The following BOD1L1 variants were observed in gnomAD, a reference collection of about 807,000 sequenced individuals.
BOD1L1 encodes the protein biorientation of chromosomes in cell division protein 1-like 1.
A neutral mutation model predicts 240.7 loss-of-function variants in BOD1L1; 86 were observed. That is an observed-to-expected ratio of 0.36 (90% CI 0.30 to 0.43). BOD1L1 has a LOEUF of 0.43. Among genes scored for constraint, BOD1L1 ranks in the 20% least tolerant of loss-of-function variants. BOD1L1 has a pLI of 1.00. For synonymous variants in BOD1L1, 1,268 were observed against 1,272.3 expected (o/e 1.00, Z 0.07); for missense variants, 3,554 against 3,643.5 (o/e 0.98, Z 0.63).
At chr4:13,571,720 A>G (rs746941000) in intron 25 of BOD1L1, among the ~76,000 whole-genome samples, 2 of 152,146 alleles carry the variant, frequency 1.3e-5, no homozygotes, top group Non-Finnish European at 2.9e-5. Context: ...AGACTTACAG[A>G]CCCAGGATCT....
chr4:13,594,452 C>A (rs1404526230), intron 12 of BOD1L1, among the ~76,000 whole-genome samples: 2 of 152,174 alleles, frequency 1.3e-5, no homozygotes, highest in Admixed American at 6.5e-5. Flanking sequence ...ATGGTCCAGC[C>A]TCTCTGGGGA....
intron 8 of BOD1L1, among the ~76,000 whole-genome samples, chr4:13,607,623 C>G (rs1021441569): frequency 6.6e-6 from 1 of 152,234 alleles, no homozygotes; most frequent in East Asian, 1.9e-4. Context: ...TACACTTGAT[C>G]GACAAATGCA....
chr4:13,588,865 T>C, intron 14 of BOD1L1, 73 bp from the exon 15 acceptor site: 1 of 1,125,114 alleles, frequency 8.9e-7, no homozygotes. Flanking sequence ...TAGGTATGTG[T>C]TAGGGGGCTG....
intron 1 of BOD1L1, among the ~76,000 whole-genome samples, chr4:13,626,604 T>C (rs1164594391): frequency 1.3e-5 from 2 of 152,178 alleles, no homozygotes; most frequent in Non-Finnish European, 2.9e-5. Context: ...TCCCTTCCCC[T>C]TTCCAGCCTC....
chr4:13,572,825 G>A, intron 25 of BOD1L1: 5 of 1,289,716 alleles, frequency 3.9e-6, no homozygotes, highest in Non-Finnish European at 5.1e-6. Context: ...ACGTGCAGAT[G>A]GCTTGCTATG....
At chr4:13,590,833 A>T (rs1304275881) in intron 13 of BOD1L1, among the ~76,000 whole-genome samples, 1 of 152,188 alleles carries the variant, frequency 6.6e-6, no homozygotes, top group East Asian at 1.9e-4. Context: ...AAATCTTATC[A>T]ATTCTACTGT....
chr4:13,607,678 A>G (rs1362236144), intron 8 of BOD1L1, among the ~76,000 whole-genome samples: 1 of 152,256 alleles, frequency 6.6e-6, no homozygotes, highest in African/African-American at 2.4e-5. Flanking sequence ...ATTGGTCAAC[A>G]AAGGAGAGCA....
Position 13,579,916 on chromosome 4 carries a change from G to T in BOD1L1, c.8749+12C>A. On this transcript the variant is annotated intron_variant, in intron 22 of 25. Coordinates refer to ENST00000040738, the MANE Select transcript of BOD1L1 (RefSeq NM_148894.3). The stretch of plus-strand genomic sequence containing the variant: ...CTCAGATAACACACAGAGGAATGCG[G>T]TAGGTACATACCTGTTTGCATTACT... 6.4e-7 allele frequency: 1 copy of T among 1,554,180 alleles called. No individual in the cohort carries two copies. Among genetic ancestry groups the T allele is most frequent in the South Asian group, 1.2e-5 (1 of 83,920 alleles).
At chr4:13,592,637 T>C (rs536330277) in intron 12 of BOD1L1, 3 of 152,358 alleles carry the variant, frequency 2.0e-5, no homozygotes, top group Admixed American at 1.3e-4. Flanking sequence ...TTTTAATTAA[T>C]GTATCTTTCC....
At position 13,604,318 on chromosome 4, in the gene BOD1L1, C is replaced by T; in HGVS notation, c.2582G>A (p.Gly861Asp). The T allele has an allele frequency of 6.3e-7, 1 of 1,594,160 alleles. No homozygotes were observed. The highest frequency in any genetic ancestry group is 8.5e-7 in the Non-Finnish European group (1 of 1,174,124). Residue 861 changes from glycine (G) to aspartate (D), a missense_variant, in exon 10 of 26, where the codon GGT (glycine) becomes GAT (aspartate). Coordinates refer to ENST00000040738, the MANE Select transcript of BOD1L1 (RefSeq NM_148894.3). The stretch of plus-strand genomic sequence containing the variant: ...TTCACTTCTTCTCTGTAATGTGATA[C>T]CATGTTGCTTGGAACCCAGAGAATC... ...QKDSLGSKQH[G>D]ITLQRRSESY...
intron 12 of BOD1L1, chr4:13,593,265 A>G (rs1714359024): frequency 6.6e-6 from 1 of 152,200 alleles, no homozygotes; most frequent in African/African-American, 2.4e-5. Context: ...AATACTTGGT[A>G]AAACACATGT....
At chr4:13,625,635 C>T (rs1311916890) in intron 1 of BOD1L1, 1 of 152,138 alleles carries the variant, frequency 6.6e-6, no homozygotes, top group African/African-American at 2.4e-5. Context: ...GTAAAAATTC[C>T]ACTTGTTGAA....
intron 2 of BOD1L1, among the ~76,000 whole-genome samples, chr4:13,619,441 G>C (rs1353019751): frequency 6.6e-6 from 1 of 152,052 alleles, no homozygotes; most frequent in Non-Finnish European, 1.5e-5. Context: ...TTTGAGGGGA[G>C]GTGGGGAGCT....
At chr4:13,592,065 T>C (rs768899760) in intron 12 of BOD1L1, 99 bp from the exon 13 acceptor site, 7 of 772,424 alleles carry the variant, frequency 9.1e-6, no homozygotes, top group Non-Finnish European at 1.4e-5. Context: ...ACCTATCCTA[T>C]GTCACCAAGT....
At position 13,580,964 on chromosome 4, in the gene BOD1L1, C is replaced by T. The variant is rs1560181415; in HGVS notation, c.8703+56G>A. 6 of 1,474,766 alleles carry T rather than the reference C, an allele frequency of 4.1e-6. No individual in the cohort carries two copies. In the East Asian group the frequency reaches 9.7e-5, roughly 24 times the overall value. 91.4% of individuals were successfully genotyped at this position (1,474,766 alleles called of 1,614,324 possible). A position where few individuals can be genotyped will look rare whatever the true frequency, so the allele number is the denominator to read the frequency against. ...TCAAAATACTAGATATTGCATTATA[C>T]CGTTTTTCAGGTTAAGAGCAAGTAT... On this transcript the variant is annotated intron_variant, in intron 21 of 25. Transcript: ENST00000040738.
In BOD1L1 at chr4:13,582,679, T is replaced by C; in HGVS notation, c.8491A>G (p.Thr2831Ala). ...TTTTCTTCCATGACCCTTGAGGTAG[T>C]GCTATTTGTCTCAGAACTGGTTTTA... Reference protein sequence around the residue: ...LPKTSSETNSTTSRVMEEKDE... With the variant: ...LPKTSSETNSATSRVMEEKDE... Residue 2831 changes from threonine (T) to alanine (A), a missense_variant, in exon 18 of 26, where the codon ACT (threonine) becomes GCT (alanine). Physicochemically the swap from Thr to Ala is moderately conservative, Grantham distance 58 (BLOSUM62 0). Coordinates refer to ENST00000040738, the MANE Select transcript of BOD1L1 (RefSeq NM_148894.3). The C allele has an allele frequency of 1.2e-6, 2 of 1,612,934 alleles. No homozygotes were observed. The highest frequency in any genetic ancestry group is 8.5e-7 in the Non-Finnish European group (1 of 1,178,946).
intron 25 of BOD1L1, among the ~76,000 whole-genome samples, chr4:13,572,324 T>C (rs762201840): frequency 1.5e-4 from 23 of 152,244 alleles, no homozygotes; most frequent in Non-Finnish European, 2.8e-4. Context: ...AGGTGTAAGC[T>C]GGCAGGGGCC....
rs761705232 is a variant in BOD1L1 at position 13,604,250 on chromosome 4, C to T, written c.2650G>A (p.Asp884Asn). ...DKCDMDSTNM[D>N]SNLKPEEVVH... is the part of the protein sequence containing the mutation. ...ACCTCTTCTGGTTTCAAATTACTAT[C>T]CATGTTAGTGGAGTCCATATCACAC... Residue 884 changes from aspartate to asparagine, a missense_variant, in exon 10 of 26, where the codon GAT becomes AAT. By Grantham distance (23) the Asp-to-Asn change is conservative. Around this residue, in one of 2 missense-constraint regions of BOD1L1, gnomAD observed 3,393 missense variants for 3,427.1 expected, o/e 0.99. Coordinates refer to ENST00000040738, the MANE Select transcript of BOD1L1 (RefSeq NM_148894.3). 1 of 1,613,644 alleles carries T rather than the reference C, an allele frequency of 6.2e-7. No individual in the cohort carries two copies. The highest frequency in any genetic ancestry group is 8.5e-7 in the Non-Finnish European group (1 of 1,179,808).
intron 22 of BOD1L1, among the ~76,000 whole-genome samples, chr4:13,578,576 C>A (rs1475833281): frequency 6.6e-6 from 1 of 151,992 alleles, no homozygotes; most frequent in Non-Finnish European, 1.5e-5. Flanking sequence ...GAGACAGGGT[C>A]TTGCTCTGTT....
Sources: gnomAD v4.1 joint callset for allele counts (sites outside exome capture counted in the v4.1 genomes callset) on GRCh38, gnomAD v4.1.1 for gene constraint, gnomAD v4.1.1 regional missense constraint, MANE v1.5 for transcripts, NCBI Gene and HGNC (gene_info 2026-07-23, HGNC 2026-07-21) for gene names.